Variants in HIBADH observed in about 807,000 individuals in gnomAD.
The protein encoded by HIBADH is 3-hydroxyisobutyrate dehydrogenase.
A neutral mutation model predicts 36.1 loss-of-function variants in HIBADH; 25 were observed. The observed-to-expected ratio is 0.69, with a 90% CI of 0.50 to 0.97. The LOEUF (loss-of-function observed/expected upper bound fraction) is 0.97, where lower values mean the gene tolerates loss of function less well. Ranked by LOEUF, HIBADH falls within the 50% of genes least tolerant of loss-of-function variation. The pLI, the probability that HIBADH is intolerant of heterozygous loss-of-function variation, is 0.00. For synonymous variants in HIBADH, 160 were observed against 149.5 expected (o/e 1.07, Z -0.51); for missense variants, 421 against 418.0 (o/e 1.01, Z -0.06).
chr7:27,652,737 C>T (rs1161147056), intron 1 of HIBADH, among the ~76,000 whole-genome samples: 1 of 152,156 alleles, frequency 6.6e-6, no homozygotes, highest in Non-Finnish European at 1.5e-5. Flanking sequence ...ACTCTCATGT[C>T]TCTCTGTACA....
chr7:27,638,997 G>A (rs1317384033), intron 2 of HIBADH, among the ~76,000 whole-genome samples: 1 of 152,210 alleles, frequency 6.6e-6, no homozygotes, highest in Non-Finnish European at 1.5e-5. Flanking sequence ...TGGTGGGAAT[G>A]CAAATTAGAT....
At chr7:27,599,076 C>A (rs6947731) in intron 4 of HIBADH, among the ~76,000 whole-genome samples, 115,903 of 152,002 alleles carry the variant, frequency 0.76, 44,686 homozygotes, top group East Asian at 0.94. Context: ...TATGTGATTG[C>A]TCCCATTCAA....
At position 27,538,801 on chromosome 7, in the gene HIBADH, T is replaced by C. The variant is rs117278763; in HGVS notation, c.619-384A>G. On this transcript the variant is annotated intron_variant, in intron 5 of 7. Coordinates refer to ENST00000265395, the MANE Select transcript of HIBADH (RefSeq NM_152740.4). Reference sequence around the variant, plus strand: ...GTGGTGAATTGTAAGGTAGAGGCTATAAGAGATAGGAGTTCAGAGCAACAA... The same window carrying C: ...GTGGTGAATTGTAAGGTAGAGGCTACAAGAGATAGGAGTTCAGAGCAACAA... Among the ~76,000 whole-genome samples, 167 of 152,068 alleles carry C rather than the reference T, an allele frequency of 1.1e-3. 1 individual carries two copies. The highest frequency in any genetic ancestry group is 1.8e-3 in the Non-Finnish European group (125 of 68,010).
At chr7:27,611,518 ACC>A (rs2128291905) in intron 4 of HIBADH, among the ~76,000 whole-genome samples, 1 of 151,848 alleles carries the variant, frequency 6.6e-6, no homozygotes, top group East Asian at 1.9e-4. Context: ...ACACCCACCC[ACC>A]CACACACGTG....
chr7:27,529,823 A>G (rs926758824), intron 7 of HIBADH, among the ~76,000 whole-genome samples: 1 of 152,220 alleles, frequency 6.6e-6, no homozygotes, highest in Non-Finnish European at 1.5e-5. Context: ...GAGTAAATCA[A>G]TGCAGTAAAC....
chr7:27,608,519 C>T (rs577632771), intron 4 of HIBADH, among the ~76,000 whole-genome samples: 1 of 152,222 alleles, frequency 6.6e-6, no homozygotes, highest in Non-Finnish European at 1.5e-5. Flanking sequence ...TTCTTGAAAA[C>T]TTCAAATAAG....
At chr7:27,657,164 A>G (rs893763031) in intron 1 of HIBADH, among the ~76,000 whole-genome samples, 3 of 152,010 alleles carry the variant, frequency 2.0e-5, no homozygotes, top group African/African-American at 7.3e-5. Flanking sequence ...GACTCTCCAT[A>G]TCACCAAGCT....
chr7:27,651,727 A>G (rs1028187968), intron 1 of HIBADH, among the ~76,000 whole-genome samples: 1 of 152,232 alleles, frequency 6.6e-6, no homozygotes, highest in Non-Finnish European at 1.5e-5. Context: ...AGCAACTATC[A>G]CATGTACCAA....
chr7:27,592,601 A>C (rs1784956282), intron 4 of HIBADH, among the ~76,000 whole-genome samples: 1 of 152,176 alleles, frequency 6.6e-6, no homozygotes, highest in Non-Finnish European at 1.5e-5. Context: ...AATTTAAGGT[A>C]CTTTTAGGAA....
chr7:27,557,032 C>G (rs2128186234), intron 4 of HIBADH, among the ~76,000 whole-genome samples: 1 of 151,832 alleles, frequency 6.6e-6, no homozygotes, highest in East Asian at 1.9e-4. Context: ...CCTAGCTACT[C>G]AGGAGGCTGA....
chr7:27,576,862 T>C (rs1784718060), intron 4 of HIBADH, among the ~76,000 whole-genome samples: 1 of 152,148 alleles, frequency 6.6e-6, no homozygotes, highest in Admixed American at 6.5e-5. Flanking sequence ...CACTAATTCT[T>C]TACTATCCAA....
chr7:27,624,375 G>T (rs1052958250), intron 4 of HIBADH, among the ~76,000 whole-genome samples: 1 of 152,156 alleles, frequency 6.6e-6, no homozygotes, highest in Non-Finnish European at 1.5e-5. Flanking sequence ...TTCTCCTTCA[G>T]AAAGAGTTTA....
intron 7 of HIBADH, among the ~76,000 whole-genome samples, chr7:27,529,755 G>A (rs1249471683): frequency 1.3e-5 from 2 of 152,224 alleles, no homozygotes; most frequent in African/African-American, 4.8e-5. Flanking sequence ...TTTGAAAGAA[G>A]TTCTACTGTG....
chr7:27,621,362 C>A (rs772099508), intron 4 of HIBADH, among the ~76,000 whole-genome samples: 10 of 152,150 alleles, frequency 6.6e-5, no homozygotes, highest in African/African-American at 9.7e-5. Flanking sequence ...GGAGTTTACA[C>A]AAAATGGACC....
At chr7:27,593,638 T>C (rs1160195701) in intron 4 of HIBADH, among the ~76,000 whole-genome samples, 2 of 152,166 alleles carry the variant, frequency 1.3e-5, no homozygotes, top group African/African-American at 4.8e-5. Context: ...ACTACTATTA[T>C]TCAATATTAT....
intron 4 of HIBADH, among the ~76,000 whole-genome samples, chr7:27,577,233 G>A (rs1180083137): frequency 6.9e-6 from 1 of 144,562 alleles, no homozygotes; most frequent in African/African-American, 2.6e-5. Flanking sequence ...GCATGATTTC[G>A]GCTCACCACA....
intron 4 of HIBADH, among the ~76,000 whole-genome samples, chr7:27,573,928 C>T (rs1784665360): frequency 6.6e-6 from 1 of 152,118 alleles, no homozygotes; most frequent in Non-Finnish European, 1.5e-5. Context: ...TTTCTTATTA[C>T]TTTTCTAATG....
chr7:27,539,971 TGAGGAGGAA>T (rs1186632037), intron 5 of HIBADH, among the ~76,000 whole-genome samples: 1 of 151,694 alleles, frequency 6.6e-6, no homozygotes, highest in Non-Finnish European at 1.5e-5. Context: ...ATGAGTAGGC[TGAGGAGGAA>T]GAGGAGGGGT....
At chr7:27,547,596 C>T (rs1784252857) in intron 4 of HIBADH, among the ~76,000 whole-genome samples, 1 of 152,036 alleles carries the variant, frequency 6.6e-6, no homozygotes, top group African/African-American at 2.4e-5. Flanking sequence ...GTGATAACTG[C>T]TCTCACAAGA....
Sources: gnomAD v4.1 joint callset for allele counts (sites outside exome capture counted in the v4.1 genomes callset) on GRCh38, gnomAD v4.1.1 for gene constraint, MANE v1.5 for transcripts, NCBI Gene and HGNC (gene_info 2026-07-23, HGNC 2026-07-21) for gene names.